Variants in PDE1A observed in about 807,000 individuals in gnomAD.
The protein encoded by PDE1A is dual specificity calcium/calmodulin-dependent 3',5'-cyclic nucleotide phosphodiesterase 1A.
Under a neutral mutation model 61.7 loss-of-function variants are expected in PDE1A, and 35 were observed. The observed-to-expected ratio is 0.57, with a 90% CI of 0.43 to 0.75. The LOEUF (loss-of-function observed/expected upper bound fraction) is 0.75. PDE1A is among the 30% of genes least tolerant of loss of function. The pLI is 0.00. For missense variants in PDE1A, 597 were observed against 630.6 expected (o/e 0.95, Z 0.57); for synonymous variants, 232 against 213.2 (o/e 1.09, Z -0.77).
chr2:182,413,655 AC>A (rs1702748986), intron 1 of PDE1A, among the ~76,000 whole-genome samples: 1 of 152,190 alleles, frequency 6.6e-6, no homozygotes, highest in African/African-American at 2.4e-5. Flanking sequence ...TTTACTGAAA[AC>A]TTTCATATGT....
chr2:182,489,342 T>C (rs897905223), intron 2 of PDE1A, among the ~76,000 whole-genome samples: 53 of 152,162 alleles, frequency 3.5e-4, no homozygotes, highest in African/African-American at 1.1e-3. Context: ...TAAGGATGTT[T>C]GATTTTACTC....
the PDE1A span, among the ~76,000 whole-genome samples, chr2:182,564,840 C>T: frequency 6.6e-6 from 1 of 152,132 alleles, no homozygotes; most frequent in Non-Finnish European, 1.5e-5. Flanking sequence ...TCCAGTTGAT[C>T]GCATCGGCTC....
intron 11 of PDE1A, among the ~76,000 whole-genome samples, chr2:182,188,027 G>A (rs1685375022): frequency 6.6e-6 from 1 of 152,146 alleles, no homozygotes. Context: ...ACAGGCATAA[G>A]CCACTGCACC....
At chr2:182,152,964 T>C (rs573897830) in intron 13 of PDE1A, among the ~76,000 whole-genome samples, 1 of 152,272 alleles carries the variant, frequency 6.6e-6, no homozygotes, top group South Asian at 2.1e-4. Flanking sequence ...ATAGGTAAAT[T>C]ATGTATTGGT....
chr2:182,522,456 C>A, intron 1 of PDE1A: 1 of 1,594,972 alleles, frequency 6.3e-7, no homozygotes, highest in Non-Finnish European at 8.5e-7. Context: ...ACAAATCTTA[C>A]ACACTTATAC....
the PDE1A span, among the ~76,000 whole-genome samples, chr2:182,552,806 G>A: frequency 6.6e-6 from 1 of 152,152 alleles, no homozygotes; most frequent in Non-Finnish European, 1.5e-5. Context: ...CCTTTGTATG[G>A]GAGCTCTGTT....
the PDE1A span, among the ~76,000 whole-genome samples, chr2:182,708,043 G>A: frequency 6.6e-6 from 1 of 152,072 alleles, no homozygotes; most frequent in Non-Finnish European, 1.5e-5. Context: ...AATAATAAAT[G>A]TTTAAGGTGA....
the PDE1A span, among the ~76,000 whole-genome samples, chr2:182,653,688 T>C: frequency 6.6e-6 from 1 of 152,212 alleles, no homozygotes; most frequent in East Asian, 1.9e-4. Context: ...AAGTGATTAC[T>C]TAATCTCCTT....
At chr2:182,694,916 G>A in the PDE1A span, among the ~76,000 whole-genome samples, 2 of 151,470 alleles carry the variant, frequency 1.3e-5, no homozygotes, top group Admixed American at 1.3e-4. Context: ...ATGATGATGG[G>A]ATTATTGATG....
At chr2:182,253,702 G>A (rs1437063795) in intron 2 of PDE1A, among the ~76,000 whole-genome samples, 1 of 151,952 alleles carries the variant, frequency 6.6e-6, no homozygotes, top group Non-Finnish European at 1.5e-5. Context: ...TGAATCACTT[G>A]GCCTTAAAAA....
intron 7 of PDE1A, among the ~76,000 whole-genome samples, chr2:182,211,363 T>C (rs2125532093): frequency 6.6e-6 from 1 of 152,334 alleles, no homozygotes; most frequent in Non-Finnish European, 1.5e-5. Context: ...TCTACTCTTT[T>C]TCATTGATCT....
chr2:182,360,609 A>G (rs1009609751), intron 1 of PDE1A, among the ~76,000 whole-genome samples: 2 of 150,960 alleles, frequency 1.3e-5, no homozygotes, highest in African/African-American at 4.9e-5. Context: ...CCTATGACGC[A>G]TGTAGAGACC....
chr2:182,434,491 C>T (rs1412794926), intron 2 of PDE1A, among the ~76,000 whole-genome samples: 2 of 152,050 alleles, frequency 1.3e-5, no homozygotes, highest in South Asian at 2.1e-4. Flanking sequence ...CTTTTTACTA[C>T]ATCTTCAGAT....
downstream of PDE1A, among the ~76,000 whole-genome samples, chr2:182,164,535 A>G (rs1691550694): frequency 6.6e-6 from 1 of 152,108 alleles, no homozygotes; most frequent in South Asian, 2.1e-4. Context: ...AGTGAATAAG[A>G]TGACCCATTC....
the PDE1A span, among the ~76,000 whole-genome samples, chr2:182,614,478 T>A: frequency 6.6e-6 from 1 of 152,102 alleles, no homozygotes; most frequent in South Asian, 2.1e-4. Context: ...AATATTATTA[T>A]ATGAAAACAT....
At chr2:182,371,812 G>A (rs1700140785) in intron 1 of PDE1A, among the ~76,000 whole-genome samples, 1 of 152,030 alleles carries the variant, frequency 6.6e-6, no homozygotes, top group Non-Finnish European at 1.5e-5. Context: ...TAGAGACAGG[G>A]TCTCACTCTG....
intron 3 of PDE1A, among the ~76,000 whole-genome samples, chr2:182,235,424 G>A (rs751812221): frequency 6.6e-6 from 1 of 152,230 alleles, no homozygotes; most frequent in Admixed American, 6.5e-5. Flanking sequence ...TTACAGGCAT[G>A]AGCCACCACG....
At chr2:182,530,641 A>G in the PDE1A span, among the ~76,000 whole-genome samples, 2 of 152,236 alleles carry the variant, frequency 1.3e-5, no homozygotes, top group African/African-American at 4.8e-5. Flanking sequence ...GTACTACAAG[A>G]AAAGATCTGT....
intron 2 of PDE1A, among the ~76,000 whole-genome samples, chr2:182,256,702 C>T (rs1303548898): frequency 6.6e-6 from 1 of 152,166 alleles, no homozygotes; most frequent in East Asian, 1.9e-4. Context: ...GACTTCTTGA[C>T]CTAATCTTTC....
Sources: allele counts gnomAD v4.1 joint callset (sites outside exome capture counted in the v4.1 genomes callset), GRCh38; gene constraint gnomAD v4.1.1; transcripts MANE v1.5; gene names NCBI Gene and HGNC (gene_info 2026-07-23, HGNC 2026-07-21).